AGBL4: variants seen among roughly 807,000 people sequenced by gnomAD.
The protein encoded by AGBL4 is AGBL carboxypeptidase 4.
In AGBL4, 58 loss-of-function variants were observed where a neutral mutation model predicts 66.4. That is an observed-to-expected ratio of 0.87 (90% CI 0.71 to 1.09). The LOEUF is 1.09. Among genes scored for constraint, AGBL4 ranks in the 50% least tolerant of loss-of-function variants. The pLI is 0.00. For synonymous variants in AGBL4, 234 were observed against 222.9 expected (o/e 1.05, Z -0.44); for missense variants, 579 against 631.0 (o/e 0.92, Z 0.88).
intron 9 of AGBL4, among the ~76,000 whole-genome samples, chr1:48,613,915 C>T (rs2148384951): frequency 6.6e-6 from 1 of 152,312 alleles, no homozygotes; most frequent in African/African-American, 2.4e-5. Flanking sequence ...AGGTTGCCTC[C>T]AGTTGTGCAA....
chr1:49,514,637 T>C (rs1053157853), intron 3 of AGBL4, among the ~76,000 whole-genome samples: 50 of 152,118 alleles, frequency 3.3e-4, no homozygotes, highest in Non-Finnish European at 5.4e-4. Context: ...CTTCAAACTA[T>C]ACTACAAGGC....
chr1:49,608,865 T>C (rs889386690), intron 3 of AGBL4, among the ~76,000 whole-genome samples: 6 of 152,308 alleles, frequency 3.9e-5, no homozygotes, highest in Non-Finnish European at 8.8e-5. Context: ...TTATAGATAC[T>C]ATAATGTATA....
chr1:49,049,124 A>G (rs1168556793), intron 4 of AGBL4, among the ~76,000 whole-genome samples: 2 of 152,186 alleles, frequency 1.3e-5, no homozygotes, highest in South Asian at 2.1e-4. Flanking sequence ...CTTTGTTTAT[A>G]TTCAACTACT....
At chr1:49,204,339 C>T (rs765633723) in intron 4 of AGBL4, among the ~76,000 whole-genome samples, 6 of 152,046 alleles carry the variant, frequency 3.9e-5, no homozygotes, top group East Asian at 1.9e-4. Context: ...GGTGTAATCA[C>T]GGCTCACTGC....
At chr1:48,722,336 A>C (rs1647165306) in intron 6 of AGBL4, among the ~76,000 whole-genome samples, 1 of 152,164 alleles carries the variant, frequency 6.6e-6, no homozygotes, top group South Asian at 2.1e-4. Context: ...GGGAGGACTA[A>C]AGAGCTGTTA....
At chr1:49,699,628 A>C (rs1231280952) in intron 2 of AGBL4, among the ~76,000 whole-genome samples, 3 of 152,058 alleles carry the variant, frequency 2.0e-5, no homozygotes, top group Non-Finnish European at 4.4e-5. Context: ...AAGTTAAATA[A>C]GCCAGACGCA....
At chr1:49,014,552 C>T (rs545743900) in intron 5 of AGBL4, among the ~76,000 whole-genome samples, 128 of 152,322 alleles carry the variant, frequency 8.4e-4, no homozygotes, top group Non-Finnish European at 1.7e-3. Context: ...TCTAAACCTG[C>T]CCTCTGTATG....
intron 3 of AGBL4, among the ~76,000 whole-genome samples, chr1:49,513,244 T>A (rs146166044): frequency 6.6e-6 from 1 of 152,160 alleles, no homozygotes; most frequent in African/African-American, 2.4e-5. Flanking sequence ...TAATCCAAAT[T>A]AATAATGTTT....
intron 5 of AGBL4, among the ~76,000 whole-genome samples, chr1:48,963,226 C>A (rs1658149202): frequency 2.0e-5 from 3 of 151,910 alleles, no homozygotes; most frequent in Admixed American, 2.0e-4. Context: ...CTAACCTACT[C>A]TCCTGACAAC....
At chr1:48,950,287 G>A (rs1051597036) in intron 5 of AGBL4, among the ~76,000 whole-genome samples, 26 of 151,928 alleles carry the variant, frequency 1.7e-4, no homozygotes, top group African/African-American at 6.0e-4. Context: ...TAGTAGAAAG[G>A]GGGTGTTTCA....
intron 3 of AGBL4, among the ~76,000 whole-genome samples, chr1:49,662,562 A>T (rs2124496082): frequency 6.6e-6 from 1 of 152,296 alleles, no homozygotes; most frequent in Non-Finnish European, 1.5e-5. Context: ...GAAATAGCAC[A>T]AAATTGCAGG....
chr1:49,941,309 G>T (rs1654736697), intron 1 of AGBL4, among the ~76,000 whole-genome samples: 1 of 152,124 alleles, frequency 6.6e-6, no homozygotes, highest in South Asian at 2.1e-4. Context: ...ACAGAGGAGA[G>T]CACTTCCAAA....
At chr1:48,976,551 T>G (rs1202922427) in intron 5 of AGBL4, among the ~76,000 whole-genome samples, 1 of 152,170 alleles carries the variant, frequency 6.6e-6, no homozygotes, top group Non-Finnish European at 1.5e-5. Flanking sequence ...TGGGTTATAT[T>G]AATAGAATGT....
intron 6 of AGBL4, among the ~76,000 whole-genome samples, chr1:48,812,661 A>G (rs967182052): frequency 7.2e-5 from 11 of 152,184 alleles, no homozygotes; most frequent in African/African-American, 2.7e-4. Context: ...ACATGCACAC[A>G]TATGTTTATT....
intron 3 of AGBL4, among the ~76,000 whole-genome samples, chr1:49,338,177 G>A (rs566883444): frequency 6.6e-6 from 1 of 152,314 alleles, no homozygotes; most frequent in South Asian, 2.1e-4. Flanking sequence ...AGTCTGTTCT[G>A]TCAGCTTAAA....
At chr1:48,603,179 C>A (rs1383641750) in intron 9 of AGBL4, among the ~76,000 whole-genome samples, 1 of 152,154 alleles carries the variant, frequency 6.6e-6, no homozygotes, top group African/African-American at 2.4e-5. Context: ...ATTGAGGGAA[C>A]AATACATTGG....
chr1:48,740,689 G>C (rs1464391503), intron 6 of AGBL4, among the ~76,000 whole-genome samples: 1 of 152,090 alleles, frequency 6.6e-6, no homozygotes, highest in African/African-American at 2.4e-5. Context: ...TTTCCTACTA[G>C]GAAATGTGTC....
intron 8 of AGBL4, among the ~76,000 whole-genome samples, chr1:48,639,189 T>C (rs932573037): frequency 6.6e-6 from 1 of 152,160 alleles, no homozygotes; most frequent in South Asian, 2.1e-4. Context: ...CCTCAGAGAG[T>C]CTAGAGCTTT....
intron 5 of AGBL4, among the ~76,000 whole-genome samples, chr1:48,876,623 C>T (rs1398204156): frequency 4.6e-5 from 7 of 152,162 alleles, no homozygotes. Context: ...CCTAACATGT[C>T]TCATGTTACA....
Sources: gnomAD v4.1 joint callset for allele counts (sites outside exome capture counted in the v4.1 genomes callset) on GRCh38, gnomAD v4.1.1 for gene constraint, MANE v1.5 for transcripts, NCBI Gene and HGNC (gene_info 2026-07-23, HGNC 2026-07-21) for gene names.